The following LRRC4C variants were observed in gnomAD, a reference collection of about 807,000 sequenced individuals.
The protein encoded by LRRC4C is leucine-rich repeat-containing protein 4C.
LRRC4C carries 5 observed loss-of-function variants against 33.6 expected under a neutral mutation model. That is an observed-to-expected ratio of 0.15 (90% CI 0.08 to 0.31). The LOEUF is 0.31. Ranked by LOEUF, LRRC4C falls within the 10% of genes least tolerant of loss-of-function variation. The pLI, the probability that LRRC4C is intolerant of heterozygous loss-of-function variation, is 1.00. For synonymous variants in LRRC4C, 329 were observed against 302.0 expected (o/e 1.09, Z -0.93); for missense variants, 560 against 796.7 (o/e 0.70, Z 3.58).
chr11:40,171,297 T>C (rs1860024173), intron 5 of LRRC4C, among the ~76,000 whole-genome samples: 1 of 152,192 alleles, frequency 6.6e-6, no homozygotes, highest in South Asian at 2.1e-4. Flanking sequence ...TTTTACTGAA[T>C]GCATAAAATA....
chr11:41,214,957 G>A (rs1946989329), intron 1 of LRRC4C, among the ~76,000 whole-genome samples: 1 of 145,466 alleles, frequency 6.9e-6, no homozygotes, highest in Non-Finnish European at 1.5e-5. Context: ...GAATTGTTTA[G>A]TCATAATTTT....
At chr11:40,567,259 A>C (rs2135543352) in intron 3 of LRRC4C, among the ~76,000 whole-genome samples, 1 of 152,290 alleles carries the variant, frequency 6.6e-6, no homozygotes, top group East Asian at 1.9e-4. Context: ...TTTTCAAAAC[A>C]CTTGGTAATC....
At chr11:41,411,780 C>G (rs1954499119) in intron 1 of LRRC4C, among the ~76,000 whole-genome samples, 1 of 152,096 alleles carries the variant, frequency 6.6e-6, no homozygotes, top group Admixed American at 6.6e-5. Context: ...TGTTTCCTCC[C>G]ACATCCCAAA....
At position 40,115,018 on chromosome 11, in the gene LRRC4C, T is replaced by C. The variant is rs1855319371; in HGVS notation, c.1275A>G (p.Thr425=). 3 of 1,614,212 alleles carry C rather than the reference T, an allele frequency of 1.9e-6. No individual in the cohort carries two copies. Among genetic ancestry groups the C allele is most frequent in the Non-Finnish European group, 1.7e-6 (2 of 1,180,044 alleles). The change falls in exon 7 of 7, where the codon ACA becomes ACG. Residue 425 remains threonine (T), a synonymous_variant. Coordinates refer to ENST00000528697, the MANE Select transcript of LRRC4C (RefSeq NM_001258419.2). This position sits in a 1 kb window ranked among gnomAD's most constrained non-coding sequence, Gnocchi z 6.7. ...NVTVQDTGMY[T]CMVSNSVGNT... is the part of the protein sequence containing the mutation. ...TCCCAACGGAATTACTCACCATACATGTGTACATGCCTGTATCTTGCACAG... is the reference window on the plus strand; with the variant it reads ...TCCCAACGGAATTACTCACCATACACGTGTACATGCCTGTATCTTGCACAG...
intron 2 of LRRC4C, among the ~76,000 whole-genome samples, chr11:40,870,294 G>T (rs1233007221): frequency 1.3e-5 from 2 of 152,076 alleles, no homozygotes; most frequent in African/African-American, 2.4e-5. Flanking sequence ...ACTGTGAGTG[G>T]GGGGTTGCTG....
intron 1 of LRRC4C, among the ~76,000 whole-genome samples, chr11:41,056,971 C>T (rs1315853896): frequency 1.3e-5 from 2 of 152,188 alleles, no homozygotes; most frequent in African/African-American, 4.8e-5. Context: ...CCAGGTGCCA[C>T]TGCAGCCACC....
intron 2 of LRRC4C, among the ~76,000 whole-genome samples, chr11:40,866,201 G>C (rs1179055617): frequency 2.0e-5 from 3 of 148,716 alleles, no homozygotes; most frequent in Non-Finnish European, 3.0e-5. Flanking sequence ...AAGAAATGTG[G>C]TCTTTATCTT....
In LRRC4C at chr11:41,032,460, G is replaced by GT. The variant is rs200254971; in HGVS notation, c.-495-98738dup. 4.5e-4 allele frequency among the ~76,000 whole-genome samples: 68 copies of GT among 151,032 alleles called. No individual in the cohort carries two copies. The South Asian group carries it at 5.0e-3, about 11-fold the overall frequency. ...GATAAAACTTTCAACTGTGTGTGTG[G>GT]TTTTTTTTTAGATCTATTGTTTTAA... On this transcript the variant is annotated intron_variant, in intron 1 of 6. Transcript: ENST00000528697.
intron 1 of LRRC4C, among the ~76,000 whole-genome samples, chr11:41,020,892 T>A (rs1435507509): frequency 1.3e-5 from 2 of 152,150 alleles, no homozygotes; most frequent in African/African-American, 2.4e-5. Context: ...GGGAATATTC[T>A]GTCTTCTATT....
At chr11:41,115,569 C>T (rs575811823) in intron 1 of LRRC4C, among the ~76,000 whole-genome samples, 1 of 152,088 alleles carries the variant, frequency 6.6e-6, no homozygotes, top group East Asian at 1.9e-4. Context: ...TAATTGTGTT[C>T]ATTTGCGATG....
chr11:40,284,669 C>T (rs1186057055), intron 4 of LRRC4C, among the ~76,000 whole-genome samples: 1 of 152,058 alleles, frequency 6.6e-6, no homozygotes, highest in Non-Finnish European at 1.5e-5. Flanking sequence ...CCAAAGCTGA[C>T]TTTAAGATAG....
chr11:40,738,328 T>C (rs535932906), intron 2 of LRRC4C, among the ~76,000 whole-genome samples: 1 of 152,252 alleles, frequency 6.6e-6, no homozygotes, highest in Admixed American at 6.5e-5. Context: ...AGTTTGCAGA[T>C]GGCCTTTTGT....
At chr11:41,262,934 T>C (rs529072223) in intron 1 of LRRC4C, among the ~76,000 whole-genome samples, 2 of 152,160 alleles carry the variant, frequency 1.3e-5, no homozygotes, top group Non-Finnish European at 2.9e-5. Flanking sequence ...TCTTGTTCAA[T>C]TGCTTTCATA....
At chr11:40,358,507 T>C (rs540979669) in intron 3 of LRRC4C, among the ~76,000 whole-genome samples, 66 of 152,144 alleles carry the variant, frequency 4.3e-4, no homozygotes, top group Admixed American at 1.3e-3. Context: ...TCTTGAACCC[T>C]TGGGCTCAAG....
intron 1 of LRRC4C, among the ~76,000 whole-genome samples, chr11:41,368,127 A>C (rs1463824830): frequency 6.6e-6 from 1 of 152,200 alleles, no homozygotes; most frequent in Non-Finnish European, 1.5e-5. Context: ...CAGGCTTTAA[A>C]TTACAGCAGA....
intron 6 of LRRC4C, among the ~76,000 whole-genome samples, chr11:40,124,970 A>AAT (rs150568234): frequency 0.063 from 9,472 of 150,436 alleles, 435 homozygotes; most frequent in Non-Finnish European, 0.091. Context: ...TTAAAAAAAG[A>AAT]ATATATATAT....
rs116203629 is a variant in LRRC4C at position 40,328,620 on chromosome 11, A to G, written c.-269-8899T>C. ...TGGATTAATATTTAATAATTGAGGT[A>G]TTGTACATTTCCTGAGGATTTATGA... On this transcript the variant is annotated intron_variant, in intron 3 of 6. Coordinates refer to ENST00000528697, the MANE Select transcript of LRRC4C (RefSeq NM_001258419.2). Among the ~76,000 whole-genome samples the G allele has an allele frequency of 4.0e-3, 615 of 152,360 alleles. 4 individuals carry two copies. The highest frequency in any genetic ancestry group is 0.014 in the African/African-American group (572 of 41,586).
chr11:41,256,743 A>G (rs865998701), intron 1 of LRRC4C, among the ~76,000 whole-genome samples: 7 of 152,084 alleles, frequency 4.6e-5, no homozygotes, highest in Admixed American at 3.3e-4. Flanking sequence ...TGTTTAGATC[A>G]CCCTGAAAAT....
At chr11:41,013,144 G>A (rs1298406871) in intron 1 of LRRC4C, among the ~76,000 whole-genome samples, 2 of 152,166 alleles carry the variant, frequency 1.3e-5, no homozygotes, top group African/African-American at 2.4e-5. Flanking sequence ...AGGAATTCAC[G>A]TAAGATTGCC....
Sources: allele counts gnomAD v4.1 joint callset (sites outside exome capture counted in the v4.1 genomes callset), GRCh38; gene constraint gnomAD v4.1.1; non-coding constraint Gnocchi (gnomAD v3.1); transcripts MANE v1.5; gene names NCBI Gene and HGNC (gene_info 2026-07-23, HGNC 2026-07-21).